Variants in KCNH5 observed in about 807,000 individuals in gnomAD.
KCNH5 encodes potassium voltage-gated channel subfamily H member 5, also known as voltage-gated delayed rectifier potassium channel KCNH5.
A neutral mutation model predicts 96.1 loss-of-function variants in KCNH5; 46 were observed. The ratio of observed to expected loss-of-function variants is 0.48; its 90% CI spans 0.38 to 0.61. The LOEUF (loss-of-function observed/expected upper bound fraction) is 0.61. Ranked by LOEUF, KCNH5 falls within the 20% of genes least tolerant of loss-of-function variation. KCNH5 has a pLI of 0.00. For missense variants in KCNH5, 907 were observed against 1,225.8 expected, an observed-to-expected ratio of 0.74 and a Z score of 3.88; for synonymous variants, 439 against 449.8, an observed-to-expected ratio of 0.98 and a Z score of 0.30.
intron 1 of KCNH5, among the ~76,000 whole-genome samples, chr14:63,023,011 C>G (rs1452318752): frequency 2.0e-5 from 3 of 151,944 alleles, no homozygotes; most frequent in African/African-American, 7.3e-5. Flanking sequence ...CGAGGCCAGC[C>G]TAGCCAACAT....
intron 8 of KCNH5, among the ~76,000 whole-genome samples, chr14:62,811,609 T>C (rs1595633423): frequency 6.6e-6 from 1 of 152,212 alleles, no homozygotes; most frequent in Non-Finnish European, 1.5e-5. Flanking sequence ...GAGTAAGAGG[T>C]GTTGTAATTT....
At chr14:62,865,333 TA>T (rs35939292) in intron 7 of KCNH5, among the ~76,000 whole-genome samples, 50,930 of 131,880 alleles carry the variant, frequency 0.39, 9,083 homozygotes, top group South Asian at 0.62. Context: ...AAATGCTATT[TA>T]AAAAAAAAAA....
intron 10 of KCNH5, among the ~76,000 whole-genome samples, chr14:62,761,317 T>G (rs1885744336): frequency 6.7e-6 from 1 of 149,984 alleles, no homozygotes; most frequent in Admixed American, 6.7e-5. Flanking sequence ...ATCACGCCAC[T>G]GCACTTCAAC....
chr14:62,926,187 T>C lies in KCNH5; in HGVS notation c.1369+23946A>G, dbSNP rs531545854. On this transcript the variant is annotated intron_variant, in intron 7 of 10. Coordinates refer to ENST00000322893, the MANE Select transcript of KCNH5 (RefSeq NM_139318.5). The stretch of plus-strand genomic sequence containing the variant: ...ACAAGAAGGATAGGCTTGCATCAGC[T>C]CTAGAGAATTAAAGAAATTAGTGCT... Among the ~76,000 whole-genome samples the C allele has an allele frequency of 2.0e-4, 31 of 152,212 alleles. No individual in the cohort carries two copies. In the South Asian group the frequency reaches 6.0e-3, roughly 30 times the overall value.
rs537872908 is a variant in KCNH5 at position 62,998,326 on chromosome 14, T to TA, written c.433+3004dup. On this transcript the variant is annotated intron_variant, in intron 4 of 10. Coordinates refer to ENST00000322893, the MANE Select transcript of KCNH5 (RefSeq NM_139318.5). ...CCATGTCTTTAATTTCTGATATTGGTAATTTGTGTCTTTACCCTTTTTTCT... is the reference window on the plus strand; with the variant it reads ...CCATGTCTTTAATTTCTGATATTGGTAAATTTGTGTCTTTACCCTTTTTTCT... 2.9e-3 allele frequency among the ~76,000 whole-genome samples: 441 copies of TA among 152,258 alleles called. 2 individuals are homozygous for TA. Among genetic ancestry groups the TA allele is most frequent in the African/African-American group, 0.01 (418 of 41,550 alleles).
chr14:63,010,124 T>A (rs748413110), intron 2 of KCNH5, among the ~76,000 whole-genome samples: 27 of 152,174 alleles, frequency 1.8e-4, no homozygotes, highest in Non-Finnish European at 3.5e-4. Flanking sequence ...AGAAGCAATC[T>A]ATCTCTGTTA....
At chr14:62,840,566 C>CTTTTCTTTCTTTTTTTTT (rs1887561319) in intron 8 of KCNH5, among the ~76,000 whole-genome samples, 16 of 76,372 alleles carry the variant, frequency 2.1e-4, no homozygotes, top group African/African-American at 9.2e-4. Context: ...TCTTTTTTTT[C>CTTTTCTTTCTTTTTTTTT]TTTTTTTTTT....
At chr14:62,975,001 C>T (rs1890474790) in intron 6 of KCNH5, among the ~76,000 whole-genome samples, 1 of 152,082 alleles carries the variant, frequency 6.6e-6, no homozygotes, top group African/African-American at 2.4e-5. Flanking sequence ...TATTAGTATC[C>T]CTTTTCCCAT....
intron 7 of KCNH5, among the ~76,000 whole-genome samples, chr14:62,884,013 G>A (rs1888544831): frequency 1.3e-5 from 2 of 152,028 alleles, no homozygotes; most frequent in South Asian, 4.1e-4. Flanking sequence ...AAACTTCTGG[G>A]ATTAAATAGT....
chr14:62,824,308 A>C (rs1887175970), intron 8 of KCNH5, among the ~76,000 whole-genome samples: 1 of 152,030 alleles, frequency 6.6e-6, no homozygotes, highest in Non-Finnish European at 1.5e-5. Context: ...AAAGGCGTTC[A>C]CTCATTCTTA....
In KCNH5 at chr14:62,950,567, TAAA is replaced by T. The variant is rs78869114; in HGVS notation, c.943-11_943-9del. 4.2e-4 allele frequency: 569 copies of T among 1,365,958 alleles called. No individual in the cohort carries two copies. Among genetic ancestry groups the T allele is most frequent in the South Asian group, 1.3e-3 (87 of 65,240 alleles). The allele number at this position is 1,365,958 out of a possible 1,614,324, so 84.6% of individuals were successfully genotyped here. A position where few individuals can be genotyped will look rare whatever the true frequency, so the allele number is the denominator to read the frequency against. ...GAAGAGACTGCTGATTCCCTGGATT[TAAA>T]AAAAAAAAAAAAATTACACCACATT... is the stretch of plus-strand genomic sequence containing the variant. On this transcript the variant is annotated splice_polypyrimidine_tract_variant and intron_variant, in intron 6 of 10. Transcript: ENST00000322893.
At chr14:62,965,203 G>T (rs1890283720) in intron 6 of KCNH5, among the ~76,000 whole-genome samples, 1 of 152,026 alleles carries the variant, frequency 6.6e-6, no homozygotes, top group Non-Finnish European at 1.5e-5. Flanking sequence ...CATGTGGTTT[G>T]TCCCACCAAA....
At chr14:63,013,250 C>T (rs1046615107) in intron 2 of KCNH5, among the ~76,000 whole-genome samples, 3 of 152,020 alleles carry the variant, frequency 2.0e-5, no homozygotes, top group Admixed American at 2.0e-4. Flanking sequence ...AAAACTGTGG[C>T]ATGTAATCAT....
rs142443524 is a variant in KCNH5, at chr14:62,912,263, A to G, written c.1369+37870T>C. 2.4e-3 allele frequency among the ~76,000 whole-genome samples: 362 copies of G among 152,240 alleles called. 2 individuals are homozygous for G. The highest frequency in any genetic ancestry group is 6.8e-3 in the Middle Eastern group (2 of 294). ...TTAATAATTTTTTCAAATTTTTATT[A>G]TAATAAATAGAAATTTGGTTGATGA... is the stretch of plus-strand genomic sequence containing the variant. On this transcript the variant is annotated intron_variant, in intron 7 of 10. Coordinates refer to ENST00000322893, the MANE Select transcript of KCNH5 (RefSeq NM_139318.5).
intron 7 of KCNH5, among the ~76,000 whole-genome samples, chr14:62,868,980 A>C (rs1888195142): frequency 6.6e-6 from 1 of 152,258 alleles, no homozygotes; most frequent in African/African-American, 2.4e-5. Context: ...TATTGTTAAC[A>C]GTGCTGCAAT....
chr14:62,850,542 C>T (rs1887783431), intron 7 of KCNH5, among the ~76,000 whole-genome samples: 2 of 152,110 alleles, frequency 1.3e-5, no homozygotes, highest in African/African-American at 4.8e-5. Context: ...AGTTAGCCCA[C>T]TGACAATTGT....
chr14:62,830,444 C>G (rs1887320043), intron 8 of KCNH5, among the ~76,000 whole-genome samples: 1 of 152,180 alleles, frequency 6.6e-6, no homozygotes, highest in Non-Finnish European at 1.5e-5. Context: ...TTAATTTACT[C>G]ACAGTTCTGC....
intron 4 of KCNH5, among the ~76,000 whole-genome samples, chr14:62,992,302 C>CT (rs2139580761): frequency 6.6e-6 from 1 of 152,084 alleles, no homozygotes; most frequent in South Asian, 2.1e-4. Flanking sequence ...GTGCAGGTAT[C>CT]TTTTTTGTGT....
chr14:62,812,744 A>AT (rs1189665184), intron 8 of KCNH5, among the ~76,000 whole-genome samples: 1 of 152,102 alleles, frequency 6.6e-6, no homozygotes, highest in East Asian at 1.9e-4. Context: ...ATTATATAAA[A>AT]TATGGAAAAT....
Sources: allele counts gnomAD v4.1 joint callset (sites outside exome capture counted in the v4.1 genomes callset), GRCh38; gene constraint gnomAD v4.1.1; transcripts MANE v1.5; gene names NCBI Gene and HGNC (gene_info 2026-07-23, HGNC 2026-07-21).